ZNF99: variants seen among roughly 807,000 people sequenced by gnomAD.
ZNF99 encodes the protein zinc finger protein ENSP00000375192.
ZNF99 carries 8 observed loss-of-function variants against 12.8 expected under a neutral mutation model. The ratio of observed to expected loss-of-function variants is 0.62; its 90% CI spans 0.37 to 1.13. The LOEUF is 1.13. ZNF99 is among the 50% of genes most tolerant of loss of function. The pLI, the probability that ZNF99 is intolerant of heterozygous loss-of-function variation, is 0.02. For synonymous variants in ZNF99, 318 were observed against 319.0 expected (o/e 1.00, Z 0.03); for missense variants, 1,007 against 1,006.2 (o/e 1.00, Z -0.01).
intron 3 of ZNF99, among the ~76,000 whole-genome samples, chr19:22,760,843 T>C (rs1056335738): frequency 5.1e-5 from 6 of 116,664 alleles, no homozygotes; most frequent in South Asian, 2.5e-4. Context: ...ACACAAAAAA[T>C]AGATTACTAT....
In ZNF99 at chr19:22,759,163, A is replaced by G. The variant is rs2145143506; in HGVS notation, c.746T>C (p.Ile249Thr). 2 of 1,603,808 alleles carry G rather than the reference A, an allele frequency of 1.2e-6. No homozygotes were observed. The highest frequency in any genetic ancestry group is 4.5e-5 in the East Asian group (2 of 44,544). ...GCAGGGTTTCTTTCCAGTATGAATTATCTTACATTTAGTGAACATTGAAGA... is the reference window on the plus strand; with the variant it reads ...GCAGGGTTTCTTTCCAGTATGAATTGTCTTACATTTAGTGAACATTGAAGA... ...NISSMFTKCK[I>T]IHTGKKPCKC... The change falls in exon 4 of 4, where the codon ATA becomes ACA. Residue 249 changes from isoleucine to threonine, a missense_variant. Physicochemically the swap from Ile to Thr is moderately conservative, Grantham distance 89. Transcript: ENST00000596209.
chr19:22,762,370 A>G (rs1433414571), intron 3 of ZNF99, among the ~76,000 whole-genome samples: 7 of 152,194 alleles, frequency 4.6e-5, no homozygotes, highest in Non-Finnish European at 7.3e-5. Context: ...CTTTAAGTGC[A>G]CTAACTAGAA....
chr19:22,774,163 A>G (rs1318308496), intron 1 of ZNF99: 2 of 152,344 alleles, frequency 1.3e-5, no homozygotes, highest in Non-Finnish European at 2.9e-5. Context: ...AGTTAAAACC[A>G]TCTTAGGTAA....
chr19:22,771,918 A>C (rs370244567), intron 1 of ZNF99, among the ~76,000 whole-genome samples: 1 of 148,354 alleles, frequency 6.7e-6, no homozygotes. Flanking sequence ...GGGTTTCACC[A>C]TATTGGCCAG....
rs773934327 is a variant in ZNF99 at position 22,756,555 on chromosome 19, ATGAAT to A, written c.*754_*758del. On this transcript the variant is annotated 3_prime_UTR_variant, in exon 4 of 4. Transcript: ENST00000596209. ...CACATTTGTAGGGTTTCTCTCCAGT[ATGAAT>A]TGATTTATGTTTAGTAAGGTGTGAG... 3.8e-6 allele frequency: 6 copies of A among 1,597,806 alleles called. 2 individuals carry two copies. The highest frequency in any genetic ancestry group is 1.7e-4 in the Middle Eastern group (1 of 6,012).
rs1973089637 is a variant in ZNF99, at chr19:22,757,876, T to C, written c.2033A>G (p.Lys678Arg). The C allele has an allele frequency of 1.2e-6, 2 of 1,612,660 alleles. No homozygotes were observed. The highest frequency in any genetic ancestry group is 1.7e-6 in the Non-Finnish European group (2 of 1,179,094). Residue 678 changes from lysine to arginine, a missense_variant, in exon 4 of 4, where the codon AAA (lysine) becomes AGA (arginine). Physicochemically the swap from Lys to Arg is conservative, Grantham distance 26. Coordinates refer to ENST00000596209, the MANE Select transcript of ZNF99 (RefSeq NM_001080409.3). ...KVIHTEEKPYKCEECGKAFNH... is the reference protein window; with the variant it reads ...KVIHTEEKPYRCEECGKAFNH... Reference sequence around the variant, plus strand: ...AAAAGCCTTGCCACATTCTTCACATTTGTAGGGTTTCTCTTCAGTATGAAT... The same window carrying C: ...AAAAGCCTTGCCACATTCTTCACATCTGTAGGGTTTCTCTTCAGTATGAAT...
chr19:22,768,106 C>G (rs1204654452), intron 3 of ZNF99, among the ~76,000 whole-genome samples, 199 bp downstream of exon 3: 1 of 152,138 alleles, frequency 6.6e-6, no homozygotes, highest in African/African-American at 2.4e-5. Context: ...ATTACCAAAA[C>G]GAAAATAGAA....
chr19:22,782,545 A>G (rs932511792), intron 1 of ZNF99, among the ~76,000 whole-genome samples: 4 of 151,004 alleles, frequency 2.6e-5, no homozygotes. Flanking sequence ...TATTTTTAGT[A>G]GAGATGGGGT....
intron 3 of ZNF99, among the ~76,000 whole-genome samples, chr19:22,765,960 T>C (rs573370837): frequency 1.3e-5 from 2 of 152,214 alleles, no homozygotes; most frequent in Non-Finnish European, 2.9e-5. Context: ...ACTATAATAA[T>C]AGGCATAATA....
At position 22,757,176 on chromosome 19, in the gene ZNF99, G is replaced by A; in HGVS notation, c.*138C>T. 7 of 1,609,750 alleles carry A rather than the reference G, an allele frequency of 4.3e-6. No individual in the cohort carries two copies. The highest frequency in any genetic ancestry group is 5.9e-6 in the Non-Finnish European group (7 of 1,178,296). ...TTATGTCTAGTAAGGTGTGAGGACT[G>A]CTTAAAAGCTTTGCCACATTCTTCA... On this transcript the variant is annotated 3_prime_UTR_variant, in exon 4 of 4. Coordinates refer to ENST00000596209, the MANE Select transcript of ZNF99 (RefSeq NM_001080409.3).
intron 3 of ZNF99, among the ~76,000 whole-genome samples, chr19:22,760,343 T>A (rs1211429976): frequency 6.6e-6 from 1 of 152,156 alleles, no homozygotes; most frequent in Admixed American, 6.5e-5. Context: ...TAAAGACATA[T>A]AAAACAGTGG....
rs1339544221 is a variant in ZNF99 at position 22,784,078 on chromosome 19, A to G, written c.-62T>C. The G allele has an allele frequency of 2.1e-5, 34 of 1,591,508 alleles. No individual in the cohort carries two copies. The highest frequency in any genetic ancestry group is 2.8e-5 in the Non-Finnish European group (33 of 1,161,566). On this transcript the variant is annotated 5_prime_UTR_variant, in exon 1 of 4. Transcript: ENST00000596209. ...GGATCTCCAAATACCTACAGGTCAC[A>G]GGGCCACAGAGGCTAAGGACACAGA...
At position 22,757,861 on chromosome 19, in the gene ZNF99, C is replaced by A. The variant is rs750646610; in HGVS notation, c.2048G>T (p.Gly683Val). The A allele has an allele frequency of 3.1e-6, 5 of 1,611,998 alleles. No individual in the cohort carries two copies. The South Asian group carries it at 4.4e-5, about 14-fold the overall frequency. Reference sequence around the variant, plus strand: ...GGCTGAGAAATGGTTAAAAGCCTTGCCACATTCTTCACATTTGTAGGGTTT... The same window carrying A: ...GGCTGAGAAATGGTTAAAAGCCTTGACACATTCTTCACATTTGTAGGGTTT... ...EEKPYKCEEC[G>V]KAFNHFSALR... is the part of the protein sequence containing the mutation. Residue 683 changes from glycine (G) to valine (V), a missense_variant, in exon 4 of 4, where the codon GGC becomes GTC. Physicochemically the swap from Gly to Val is moderately radical, Grantham distance 109. Transcript: ENST00000596209.
intron 1 of ZNF99, among the ~76,000 whole-genome samples, chr19:22,776,412 T>G (rs1442758206): frequency 0.19 from 206 of 1,104 alleles, 3 homozygotes; most frequent in African/African-American, 0.32. Flanking sequence ...AAATAAGATA[T>G]ATATATATAT....
chr19:22,776,406 A>AAGAT (rs1491327564), intron 1 of ZNF99, among the ~76,000 whole-genome samples: 22 of 91,766 alleles, frequency 2.4e-4, no homozygotes, highest in Non-Finnish European at 4.4e-4. Flanking sequence ...TTTCCAAAAT[A>AAGAT]AGATATATAT....
At chr19:22,761,154 T>A (rs1973147113) in intron 3 of ZNF99, among the ~76,000 whole-genome samples, 1 of 151,974 alleles carries the variant, frequency 6.6e-6, no homozygotes. Context: ...AATTAATTTT[T>A]AAAATTTCAA....
rs1021397001 is a variant in ZNF99, at chr19:22,753,428, A to G, written c.*3886T>C. The G allele has an allele frequency of 6.6e-6, 1 of 152,116 alleles. No homozygotes were observed. The highest frequency in any genetic ancestry group is 1.5e-5 in the Non-Finnish European group (1 of 67,984). 9.4% of individuals were successfully genotyped at this position (152,116 alleles called of 1,614,324 possible). The stretch of plus-strand genomic sequence containing the variant: ...TTTCATATTTACTGCATCTACAAAA[A>G]AAACTTACTCTGTTTTCTAAGCTGT... On this transcript the variant is annotated 3_prime_UTR_variant, in exon 4 of 4. Coordinates refer to ENST00000596209, the MANE Select transcript of ZNF99 (RefSeq NM_001080409.3).
intron 1 of ZNF99, among the ~76,000 whole-genome samples, chr19:22,776,307 T>C (rs1216781046): frequency 6.8e-6 from 1 of 147,464 alleles, no homozygotes; most frequent in Non-Finnish European, 1.5e-5. Context: ...GCTGAGATTA[T>C]GCCACTGCGC....
intron 1 of ZNF99, among the ~76,000 whole-genome samples, chr19:22,769,624 G>A (rs539981169): frequency 6.0e-4 from 91 of 151,904 alleles, no homozygotes; most frequent in African/African-American, 2.0e-3. Context: ...AAAATTAGCC[G>A]GCATGGTGGT....
Sources: allele counts gnomAD v4.1 joint callset (sites outside exome capture counted in the v4.1 genomes callset), GRCh38; gene constraint gnomAD v4.1.1; transcripts MANE v1.5; gene names NCBI Gene and HGNC (gene_info 2026-07-23, HGNC 2026-07-21).